Variants in RPS19 observed in about 807,000 individuals in gnomAD.
RPS19 encodes small ribosomal subunit protein eS19.
RPS19 carries 1 observed loss-of-function variant against 20.3 expected under a neutral mutation model. The ratio of observed to expected loss-of-function variants is 0.05; its 90% CI spans 0.02 to 0.23. The LOEUF is 0.23. RPS19 is among the 10% of genes least tolerant of loss of function. RPS19 has a pLI of 1.00. For missense variants in RPS19, 111 were observed against 192.7 expected (o/e 0.58, Z 2.51); for synonymous variants, 87 against 74.8 (o/e 1.16, Z -0.84).
rs555568125 is a variant in RPS19, at chr19:41,865,290, C to T, written c.173-3741C>T. 7.9e-5 allele frequency among the ~76,000 whole-genome samples: 12 copies of T among 151,384 alleles called. No individual in the cohort carries two copies. In the East Asian group the frequency reaches 1.9e-3, roughly 25 times the overall value. On this transcript the variant is annotated intron_variant, in intron 3 of 5. Coordinates refer to ENST00000598742, the MANE Select transcript of RPS19 (RefSeq NM_001022.4). ...TGAGACAGAAGAATTGCTTGAACCC[C>T]GGAGGCAGAGGTTGCAGTGAGTCTG...
At chr19:41,871,104 C>A (rs191671888) in intron 5 of RPS19, among the ~76,000 whole-genome samples, 2 of 152,092 alleles carry the variant, frequency 1.3e-5, no homozygotes, top group African/African-American at 4.8e-5. Context: ...CTCAGGTGAT[C>A]CACCTGCCTC....
chr19:41,860,461 G>A, intron 1 of RPS19, 172 bp downstream of exon 1: 1 of 421,624 alleles, frequency 2.4e-6, no homozygotes, highest in Non-Finnish European at 4.4e-6. Flanking sequence ...CGCCGTCCGG[G>A]AACCGAGCGT....
chr19:41,869,202 A>G lies in RPS19; in HGVS notation c.344A>G (p.Lys115Arg). Residue 115 changes from lysine (K) to arginine (R), a missense_variant, in exon 4 of 6, where the codon AAG becomes AGG. Lys to Arg is a conservative substitution (Grantham distance 26, BLOSUM62 2). Transcript: ENST00000598742. ...CTGGAGGGGCTGAAAATGGTGGAAA[A>G]GGACCAAGATGGGTAAGCAGGGTAG... Reference protein sequence around the residue: ...QALEGLKMVEKDQDGGRKLTP... With the variant: ...QALEGLKMVERDQDGGRKLTP... The G allele has an allele frequency of 6.2e-7, 1 of 1,613,432 alleles. No homozygotes were observed. The highest frequency in any genetic ancestry group is 1.1e-5 in the South Asian group (1 of 91,034).
chr19:41,863,052 C>T (rs925364125), intron 3 of RPS19, among the ~76,000 whole-genome samples: 2 of 152,184 alleles, frequency 1.3e-5, no homozygotes, highest in Admixed American at 1.3e-4. Context: ...GGGACAGGGT[C>T]TAGGCCTGTC....
At chr19:41,860,644 A>T in intron 1 of RPS19, 131 bp from the exon 2 acceptor site, 1 of 800,568 alleles carries the variant, frequency 1.2e-6, no homozygotes, top group Non-Finnish European at 2.2e-6. Context: ...CCGGCGTTGA[A>T]GGGGCCGTGG....
chr19:41,871,804 G>A lies in RPS19; in HGVS notation c.*427G>A, dbSNP rs139220459. 276 of 222,310 alleles carry A rather than the reference G, an allele frequency of 1.2e-3. No individual in the cohort carries two copies. Among genetic ancestry groups the A allele is most frequent in the African/African-American group, 6.0e-3 (260 of 43,266 alleles). 13.8% of individuals were successfully genotyped at this position (222,310 alleles called of 1,614,324 possible). On this transcript the variant is annotated 3_prime_UTR_variant, in exon 6 of 6. Coordinates refer to ENST00000598742, the MANE Select transcript of RPS19 (RefSeq NM_001022.4). Reference sequence around the variant, plus strand: ...TTGCAATTGTCAGAAAGTGAGAAACGAAAGGATGGCTGTGAGCTGTGACCT... The same window carrying A: ...TTGCAATTGTCAGAAAGTGAGAAACAAAAGGATGGCTGTGAGCTGTGACCT...
intron 5 of RPS19, 85 bp downstream of exon 5, chr19:41,869,838 T>A (rs745316683): frequency 7.0e-7 from 1 of 1,433,164 alleles, no homozygotes; most frequent in Admixed American, 1.7e-5. Context: ...GGTAGACTTA[T>A]TTCCTTCTCT....
In RPS19 at chr19:41,862,644, T is replaced by C. The variant is rs1450644704; in HGVS notation, c.172+1432T>C. The stretch of plus-strand genomic sequence containing the variant: ...TGTATGTGTCTTGTACATTTTTTTT[T>C]TTTTTTTTAACATGGGGAGGGATTA... On this transcript the variant is annotated intron_variant, in intron 3 of 5. Transcript: ENST00000598742. 6.6e-5 allele frequency among the ~76,000 whole-genome samples: 10 copies of C among 152,036 alleles called. No individual in the cohort carries two copies. In the South Asian group the frequency reaches 1.5e-3, roughly 22 times the overall value.
At position 41,871,497 on chromosome 19, in the gene RPS19, AT is replaced by A; in HGVS notation, c.*121del. On this transcript the variant is annotated 3_prime_UTR_variant, in exon 6 of 6. Transcript: ENST00000598742. ...AGTGGCGCCATCTCAGCTCACTGCA[AT>A]CTCCGCCTTCTGGGTTCAAATGATT... 1 of 834,698 alleles carries A rather than the reference AT, an allele frequency of 1.2e-6. No homozygotes were observed. Among genetic ancestry groups the A allele is most frequent in the Non-Finnish European group, 2.0e-6 (1 of 493,136 alleles). The allele number at this position is 834,698 out of a possible 1,614,324, so 51.7% of individuals were successfully genotyped here. A position where few individuals can be genotyped will look rare whatever the true frequency, so the allele number is the denominator to read the frequency against.
chr19:41,860,635 C>T lies in RPS19; in HGVS notation c.1-140C>T, dbSNP rs1196611419. On this transcript the variant is annotated intron_variant, in intron 1 of 5. Coordinates refer to ENST00000598742, the MANE Select transcript of RPS19 (RefSeq NM_001022.4). ...CTTCAGACCCGCAGGAGCCGGAGCCCGGCGTTGAAGGGGCCGTGGGAAGTA... is the reference window on the plus strand; with the variant it reads ...CTTCAGACCCGCAGGAGCCGGAGCCTGGCGTTGAAGGGGCCGTGGGAAGTA... 1.8e-5 allele frequency: 14 copies of T among 782,280 alleles called. 1 individual carries two copies. The highest frequency in any genetic ancestry group is 1.3e-4 in the African/African-American group (8 of 59,268). 48.5% of individuals were successfully genotyped at this position (782,280 alleles called of 1,614,324 possible).
chr19:41,860,931 C>G (rs1404774548), intron 2 of RPS19, 86 bp downstream of exon 2: 2 of 1,319,722 alleles, frequency 1.5e-6, no homozygotes, highest in African/African-American at 1.5e-5. Context: ...CGGTCCCTGG[C>G]AGGCGAGGCT....
At chr19:41,868,254 C>T (rs913098577) in intron 3 of RPS19, among the ~76,000 whole-genome samples, 3 of 152,178 alleles carry the variant, frequency 2.0e-5, no homozygotes, top group Non-Finnish European at 2.9e-5. Flanking sequence ...AGTGGCAGGA[C>T]AGGGCAGTTC....
intron 3 of RPS19, among the ~76,000 whole-genome samples, chr19:41,862,067 CCTT>C (rs781837970): frequency 6.6e-6 from 1 of 152,122 alleles, no homozygotes; most frequent in Non-Finnish European, 1.5e-5. Flanking sequence ...CAATCTTAAA[CCTT>C]CTCTCTCTGT....
At chr19:41,861,766 C>T (rs1220801859) in intron 3 of RPS19, among the ~76,000 whole-genome samples, 3 of 152,222 alleles carry the variant, frequency 2.0e-5, no homozygotes, top group African/African-American at 7.2e-5. Context: ...CTCTAACAGG[C>T]TGTTTCTAAC....
In RPS19 at chr19:41,869,601, G is replaced by C. The variant is rs2074125011; in HGVS notation, c.357-98G>C. The C allele has an allele frequency of 2.2e-6, 3 of 1,337,258 alleles. No homozygotes were observed. In the East Asian group the frequency reaches 6.9e-5, roughly 31 times the overall value. 82.8% of individuals were successfully genotyped at this position (1,337,258 alleles called of 1,614,324 possible). ...CCTCAGTGGGACTTGGCTGGCGGCAGGTGGCTTTTTGAGAAGCCTGGCTCA... is the reference window on the plus strand; with the variant it reads ...CCTCAGTGGGACTTGGCTGGCGGCACGTGGCTTTTTGAGAAGCCTGGCTCA... On this transcript the variant is annotated intron_variant, in intron 4 of 5. Transcript: ENST00000598742.
At chr19:41,867,382 C>T (rs1406103186) in intron 3 of RPS19, among the ~76,000 whole-genome samples, 3 of 152,204 alleles carry the variant, frequency 2.0e-5, no homozygotes, top group Non-Finnish European at 4.4e-5. Context: ...TGGCTAACTG[C>T]AACCTCTGCC....
At chr19:41,867,623 A>C (rs1392695266) in intron 3 of RPS19, among the ~76,000 whole-genome samples, 1 of 152,176 alleles carries the variant, frequency 6.6e-6, no homozygotes, top group African/African-American at 2.4e-5. Context: ...GATCCCATAT[A>C]TTTTAAATCA....
At chr19:41,864,801 A>T (rs578019704) in intron 3 of RPS19, 2 of 152,220 alleles carry the variant, frequency 1.3e-5, no homozygotes, top group Non-Finnish European at 2.9e-5. Context: ...CTTGCTCGCA[A>T]TTGGCCCTCA....
intron 3 of RPS19, among the ~76,000 whole-genome samples, chr19:41,866,540 A>G (rs1266546153): frequency 6.6e-6 from 1 of 152,162 alleles, no homozygotes; most frequent in East Asian, 1.9e-4. Flanking sequence ...CGTAGGGGGT[A>G]GGGCCTGGAG....
Sources: allele counts gnomAD v4.1 joint callset (sites outside exome capture counted in the v4.1 genomes callset), GRCh38; gene constraint gnomAD v4.1.1; transcripts MANE v1.5; gene names NCBI Gene and HGNC (gene_info 2026-07-23, HGNC 2026-07-21).